SPG7: variants seen among roughly 807,000 people sequenced by gnomAD.
SPG7 encodes SPG7 matrix AAA peptidase subunit, paraplegin.
SPG7 carries 103 observed loss-of-function variants against 81.9 expected under a neutral mutation model. The observed-to-expected ratio is 1.26, with a 90% confidence interval of 1.07 to 1.48. The LOEUF (loss-of-function observed/expected upper bound fraction) is 1.48, where lower values mean the gene tolerates loss of function less well. SPG7 is among the 40% of genes most tolerant of loss of function. SPG7 has a pLI of 0.00. For missense variants in SPG7, 1,241 were observed against 1,087.3 expected, an observed-to-expected ratio of 1.14 and a Z score of -1.99; for synonymous variants, 534 against 444.2, an observed-to-expected ratio of 1.20 and a Z score of -2.54.
chr16:89,554,718 G>A (rs771734882), intron 16 of SPG7, 155 bp downstream of exon 16: 28 of 655,794 alleles, frequency 4.3e-5, no homozygotes, highest in African/African-American at 2.3e-4. Flanking sequence ...TGAAACTTAC[G>A]TGTTCCATAC....
At chr16:89,546,818 C>T in intron 11 of SPG7, 58 bp downstream of exon 11, 2 of 1,167,480 alleles carry the variant, frequency 1.7e-6, no homozygotes, top group Admixed American at 1.7e-5. Flanking sequence ...GTGGTGTCAC[C>T]TGCGCAAACA....
In SPG7 at chr16:89,556,940, T is replaced by G; in HGVS notation, c.2235T>G (p.Ala745=). 4.3e-6 allele frequency: 7 copies of G among 1,614,034 alleles called. No individual in the cohort carries two copies. Among genetic ancestry groups the G allele is most frequent in the Non-Finnish European group, 5.9e-6 (7 of 1,179,978 alleles). The change falls in exon 17 of 17, where the codon GCT becomes GCG. Residue 745 remains alanine (A), a synonymous_variant. Transcript: ENST00000645818. ...TGATAAACTATGAGGACATTGAGGC[T>G]CTCATTGGCCCGCCGCCCCATGGGC... ...KEVINYEDIE[A]LIGPPPHGPK... is the part of the protein sequence containing the mutation.
rs2058696257 is a variant in SPG7 at position 89,557,194 on chromosome 16, C to T, written c.*101C>T. 2.6e-6 allele frequency: 2 copies of T among 775,728 alleles called. No individual in the cohort carries two copies. The highest frequency in any genetic ancestry group is 2.2e-6 in the Non-Finnish European group (1 of 452,088). The allele number at this position is 775,728 out of a possible 1,614,324, so 48.1% of individuals were successfully genotyped here. On this transcript the variant is annotated 3_prime_UTR_variant, in exon 17 of 17. Coordinates refer to ENST00000645818, the MANE Select transcript of SPG7 (RefSeq NM_003119.4). Reference sequence around the variant, plus strand: ...CTGAGGTTTGCACTTCCTCTCGCGGCCCTCAGTAGTCCCTGCACAGTGACT... The same window carrying T: ...CTGAGGTTTGCACTTCCTCTCGCGGTCCTCAGTAGTCCCTGCACAGTGACT...
intron 16 of SPG7, 182 bp from the exon 17 acceptor site, chr16:89,556,705 G>A: frequency 1.6e-6 from 1 of 642,032 alleles, no homozygotes; most frequent in Non-Finnish European, 2.8e-6. Context: ...TCATTTATGA[G>A]GTTGAGATGG....
chr16:89,522,281 T>C (rs1271391481), intron 3 of SPG7: 1 of 152,254 alleles, frequency 6.6e-6, no homozygotes, highest in African/African-American at 2.4e-5. Context: ...AAAAATTGTT[T>C]GAATTCGTCT....
intron 2 of SPG7, among the ~76,000 whole-genome samples, chr16:89,511,000 T>C (rs1307411097): frequency 6.6e-6 from 1 of 152,132 alleles, no homozygotes; most frequent in African/African-American, 2.4e-5. Flanking sequence ...GCCTAGCTAA[T>C]TTTTGGGGGG....
At chr16:89,550,634 C>T (rs774753839) in intron 13 of SPG7, 25 bp downstream of exon 13, 55 of 1,555,166 alleles carry the variant, frequency 3.5e-5, no homozygotes, top group Admixed American at 1.2e-4. Context: ...GTGCCGGCTC[C>T]ACGGGCCTTG....
chr16:89,554,689 G>T (rs1428165291), intron 16 of SPG7, 126 bp downstream of exon 16: 1 of 706,332 alleles, frequency 1.4e-6, no homozygotes, highest in Non-Finnish European at 2.5e-6. Flanking sequence ...TGACCGATGT[G>T]AATTCTACCC....
intron 7 of SPG7, chr16:89,531,023 C>G (rs1597631828): frequency 1.5e-6 from 1 of 666,662 alleles, no homozygotes; most frequent in East Asian, 2.7e-5. Flanking sequence ...CAGAGGCTGC[C>G]AAGACCCATG....
chr16:89,532,040 G>T lies in SPG7; in HGVS notation c.1124G>T (p.Gly375Val). The T allele has an allele frequency of 1.2e-6, 2 of 1,613,178 alleles. No individual in the cohort carries two copies. The highest frequency in any genetic ancestry group is 1.7e-6 in the Non-Finnish European group (2 of 1,179,968). ...CAGGTGCCCTTCCTGGCGATGGCCG[G>T]CCCAGAGTTCGTGGAGGTCATTGGA... Reference protein sequence around the residue: ...EAQVPFLAMAGPEFVEVIGGL... With the variant: ...EAQVPFLAMAVPEFVEVIGGL... Residue 375 changes from glycine (G) to valine (V), a missense_variant, in exon 8 of 17, where the codon GGC becomes GTC. Coordinates refer to ENST00000645818, the MANE Select transcript of SPG7 (RefSeq NM_003119.4).
At chr16:89,512,586 C>G (rs1026119959) in intron 2 of SPG7, among the ~76,000 whole-genome samples, 14 of 152,238 alleles carry the variant, frequency 9.2e-5, no homozygotes, top group Non-Finnish European at 1.8e-4. Flanking sequence ...GCTGGGATTA[C>G]AGGCATGAGC....
chr16:89,517,511 GCAGTCACCATGC>G (rs767314676), intron 3 of SPG7: 2 of 152,400 alleles, frequency 1.3e-5, no homozygotes, highest in Non-Finnish European at 2.9e-5. Flanking sequence ...GGAAGGGCAG[GCAGTCACCATGC>G]CCTTTGCTCT....
At chr16:89,543,202 C>G (rs1247752710) in intron 9 of SPG7, 2 of 152,156 alleles carry the variant, frequency 1.3e-5, no homozygotes, top group Admixed American at 6.5e-5. Context: ...CCTCCTCGGC[C>G]TCCCAAAGTG....
intron 9 of SPG7, chr16:89,538,760 G>A (rs2058460756): frequency 6.6e-6 from 1 of 152,452 alleles, no homozygotes; most frequent in Non-Finnish European, 1.5e-5. Flanking sequence ...CTCCAACAGG[G>A]AATGGAAGGA....
chr16:89,535,093 CTG>C (rs762631805), intron 9 of SPG7, among the ~76,000 whole-genome samples: 90 of 152,328 alleles, frequency 5.9e-4, no homozygotes, highest in Non-Finnish European at 9.6e-4. Flanking sequence ...AATGTCATCT[CTG>C]GAACTGTGAC....
chr16:89,526,730 G>C, intron 5 of SPG7: 1 of 431,834 alleles, frequency 2.3e-6, no homozygotes, highest in South Asian at 2.1e-5. Context: ...CCTGGTGTAG[G>C]ATGCTGAAGT....
intron 14 of SPG7, 126 bp downstream of exon 14, chr16:89,553,261 G>C (rs2058655090): frequency 1.9e-6 from 2 of 1,038,622 alleles, no homozygotes; most frequent in Non-Finnish European, 2.9e-6. Context: ...TAAGTATTTT[G>C]TAAAAGATAA....
intron 3 of SPG7, chr16:89,517,712 T>A (rs2058121809): frequency 1.3e-5 from 2 of 150,142 alleles, no homozygotes; most frequent in South Asian, 4.3e-4. Flanking sequence ...CTCCACCTCG[T>A]GGGTTCAAGC....
At chr16:89,549,087 G>A (rs768970599) in intron 12 of SPG7, 26 of 456,196 alleles carry the variant, frequency 5.7e-5, no homozygotes, top group Non-Finnish European at 8.4e-5. Context: ...ACAGCCCTGC[G>A]GGTCGAGAGG....
Sources: gnomAD v4.1 joint callset for allele counts (sites outside exome capture counted in the v4.1 genomes callset) on GRCh38, gnomAD v4.1.1 for gene constraint, MANE v1.5 for transcripts, NCBI Gene and HGNC (gene_info 2026-07-23, HGNC 2026-07-21) for gene names.